Variants in SNCG observed in about 807,000 individuals in gnomAD.
SNCG encodes the protein synuclein gamma, also known as gamma-synuclein.
SNCG carries 13 observed loss-of-function variants against 16.0 expected under a neutral mutation model. The ratio of observed to expected loss-of-function variants is 0.81; its 90% CI spans 0.53 to 1.29. SNCG has a LOEUF of 1.29. Among genes scored for constraint, SNCG ranks in the 50% most tolerant of loss-of-function variants. The probability of loss-of-function intolerance (pLI) is 0.00; values close to 1 mark genes in which losing one functional copy is unlikely to be tolerated. For missense variants in SNCG, 154 were observed against 168.5 expected, an observed-to-expected ratio of 0.91 and a Z score of 0.48; for synonymous variants, 66 against 66.3, an observed-to-expected ratio of 1.00 and a Z score of 0.02.
intron 3 of SNCG, among the ~76,000 whole-genome samples, chr10:86,961,989 G>C (rs1197815220): frequency 1.3e-5 from 2 of 152,252 alleles, no homozygotes; most frequent in African/African-American, 4.8e-5. Context: ...TGGAGTGCAG[G>C]AGATAGAAGA....
chr10:86,962,474 C>G, intron 3 of SNCG, 130 bp from the exon 4 acceptor site: 1 of 625,568 alleles, frequency 1.6e-6, no homozygotes, highest in East Asian at 2.8e-5. Flanking sequence ...TCCAGCCCCT[C>G]CAAGTACAAC....
upstream of SNCG, among the ~76,000 whole-genome samples, chr10:86,956,545 T>C (rs1481162322): frequency 6.6e-6 from 1 of 152,204 alleles, no homozygotes; most frequent in Non-Finnish European, 1.5e-5. Flanking sequence ...TGGCTCCAAG[T>C]GCTGCAGAGA....
rs760113 is a variant in SNCG, at chr10:86,960,032, C to T, written c.195C>T (p.Ala65=). 9 of 1,609,018 alleles carry T rather than the reference C, an allele frequency of 5.6e-6. No individual in the cohort carries two copies. In the Admixed American group the frequency reaches 6.7e-5, roughly 12 times the overall value. ...VAEKTKEQAN[A]VSEAVVSSVN... is the part of the protein sequence containing the mutation. ...AGAAGACCAAGGAGCAGGCCAACGC[C>T]GTGAGCGAGGCTGTGGTGAGCAGCG... Residue 65 remains alanine (A), a synonymous_variant, in exon 3 of 5, where the codon GCC becomes GCT. Coordinates refer to ENST00000372017, the MANE Select transcript of SNCG (RefSeq NM_003087.3).
chr10:86,959,512 C>T lies in SNCG; in HGVS notation c.122-121C>T, dbSNP rs1844301122. On this transcript the variant is annotated intron_variant, in intron 1 of 4. Coordinates refer to ENST00000372017, the MANE Select transcript of SNCG (RefSeq NM_003087.3). The surrounding 1 kb of genome is among the most constrained non-coding windows in gnomAD (Gnocchi z 4.3). ...GCCCTCTGAAGGGGCCGCCGGCCCC[C>T]AGACACCATCCTTACCCCCCCACCG... is the stretch of plus-strand genomic sequence containing the variant. 2 of 824,364 alleles carry T rather than the reference C, an allele frequency of 2.4e-6. No individual in the cohort carries two copies. The highest frequency in any genetic ancestry group is 4.1e-6 in the Non-Finnish European group (2 of 490,888). The allele number at this position is 824,364 out of a possible 1,614,324, so 51.1% of individuals were successfully genotyped here.
At chr10:86,957,088 TC>T (rs1017106059), upstream of SNCG, among the ~76,000 whole-genome samples, 9 of 152,182 alleles carry the variant, frequency 5.9e-5, no homozygotes, top group African/African-American at 1.7e-4. Context: ...TCAGCCACAG[TC>T]CCCCAGTGCC....
In SNCG at chr10:86,959,526, AC is replaced by A. The variant is rs1313888639; in HGVS notation, c.122-100del. 13 of 858,932 alleles carry A rather than the reference AC, an allele frequency of 1.5e-5. No individual in the cohort carries two copies. The highest frequency in any genetic ancestry group is 3.5e-5 in the African/African-American group (2 of 56,586). 53.2% of individuals were successfully genotyped at this position (858,932 alleles called of 1,614,324 possible). A position where few individuals can be genotyped will look rare whatever the true frequency, so the allele number is the denominator to read the frequency against. On this transcript the variant is annotated intron_variant, in intron 1 of 4. Transcript: ENST00000372017. The surrounding 1 kb of genome is among the most constrained non-coding windows in gnomAD (Gnocchi z 4.3). ...CCGCCGGCCCCCAGACACCATCCTTACCCCCCCACCGACCCCACAGTTTGTC... is the reference window on the plus strand; with the variant it reads ...CCGCCGGCCCCCAGACACCATCCTTACCCCCCACCGACCCCACAGTTTGTC...
chr10:86,959,831 C>G lies in SNCG; in HGVS notation c.163+157C>G. On this transcript the variant is annotated intron_variant, in intron 2 of 4. Coordinates refer to ENST00000372017, the MANE Select transcript of SNCG (RefSeq NM_003087.3). The surrounding 1 kb of genome is among the most constrained non-coding windows in gnomAD (Gnocchi z 4.3). ...GACCATGAGGCTAAACTAGGGTGGG[C>G]GTCTCCTTACCCCCACCAGCATCAG... 1 of 1,256,010 alleles carries G rather than the reference C, an allele frequency of 8.0e-7. No homozygotes were observed. Among genetic ancestry groups the G allele is most frequent in the South Asian group, 1.5e-5 (1 of 66,852 alleles). 77.8% of individuals were successfully genotyped at this position (1,256,010 alleles called of 1,614,324 possible).
At chr10:86,960,524 C>G (rs2133695941) in intron 3 of SNCG, among the ~76,000 whole-genome samples, 1 of 152,296 alleles carries the variant, frequency 6.6e-6, no homozygotes, top group African/African-American at 2.4e-5. Flanking sequence ...AGCCCCGCCC[C>G]CAGGGCCTAG....
intron 4 of SNCG, 74 bp downstream of exon 4, chr10:86,962,749 T>C: frequency 7.5e-7 from 1 of 1,328,034 alleles, no homozygotes; most frequent in Non-Finnish European, 1.1e-6. Context: ...GACGCACTGC[T>C]TCCCTCCTGG....
Position 86,959,483 on chromosome 10 carries a change from A to G in SNCG, c.122-150A>G. On this transcript the variant is annotated intron_variant, in intron 1 of 4. Transcript: ENST00000372017. The surrounding 1 kb of genome is among the most constrained non-coding windows in gnomAD (Gnocchi z 4.3). ...TCCACTTCTTCCAGACACAGCAGGA[A>G]GAGGCCCTCTGAAGGGGCCGCCGGC... 1.5e-6 allele frequency: 1 copy of G among 674,334 alleles called. No homozygotes were observed. Among genetic ancestry groups the G allele is most frequent in the South Asian group, 1.7e-5 (1 of 59,804 alleles). 41.8% of individuals were successfully genotyped at this position (674,334 alleles called of 1,614,324 possible).
chr10:86,960,777 G>T (rs1351767140), intron 3 of SNCG, among the ~76,000 whole-genome samples: 2 of 152,204 alleles, frequency 1.3e-5, no homozygotes, highest in African/African-American at 4.8e-5. Flanking sequence ...GCAGTGGGGC[G>T]CACCCCAGGG....
chr10:86,962,750 T>A (rs1844378618), intron 4 of SNCG, 75 bp downstream of exon 4: 1 of 1,327,994 alleles, frequency 7.5e-7, no homozygotes, highest in Non-Finnish European at 1.1e-6. Context: ...ACGCACTGCT[T>A]CCCTCCTGGG....
chr10:86,958,079 C>CA (rs1844266772), upstream of SNCG: 1 of 985,186 alleles, frequency 1.0e-6, no homozygotes, highest in Admixed American at 6.1e-5. Context: ...TCCCCACCCC[C>CA]ACCCACCTCA....
At position 86,959,814 on chromosome 10, in the gene SNCG, G is replaced by A; in HGVS notation, c.163+140G>A. On this transcript the variant is annotated intron_variant, in intron 2 of 4. Coordinates refer to ENST00000372017, the MANE Select transcript of SNCG (RefSeq NM_003087.3). The surrounding 1 kb of genome is among the most constrained non-coding windows in gnomAD (Gnocchi z 4.3). ...CCCTACAGACCCCTGCAGACCATGA[G>A]GCTAAACTAGGGTGGGCGTCTCCTT... The A allele has an allele frequency of 8.0e-7, 1 of 1,248,696 alleles. No individual in the cohort carries two copies. Among genetic ancestry groups the A allele is most frequent in the South Asian group, 1.5e-5 (1 of 66,720 alleles). 77.4% of individuals were successfully genotyped at this position (1,248,696 alleles called of 1,614,324 possible).
In SNCG at chr10:86,960,116, G is replaced by C. The variant is rs111800178; in HGVS notation, c.279G>C (p.Gly93=). 6.2e-7 allele frequency: 1 copy of C among 1,612,282 alleles called. No individual in the cohort carries two copies. Among genetic ancestry groups the C allele is most frequent in the African/African-American group, 1.3e-5 (1 of 74,850 alleles). Residue 93 remains glycine, a synonymous_variant, in exon 3 of 5, where the codon GGG becomes GGC. Coordinates refer to ENST00000372017, the MANE Select transcript of SNCG (RefSeq NM_003087.3). ...CGGAGAACATCGCGGTCACCTCCGG[G>C]GTGGTGCGCAAGGTGAGCCCCGGCC... ...EEAENIAVTS[G]VVRKEDLRPS...
At chr10:86,962,746 T>C in intron 4 of SNCG, 71 bp downstream of exon 4, 2 of 1,350,194 alleles carry the variant, frequency 1.5e-6, no homozygotes, top group Non-Finnish European at 2.1e-6. Context: ...ACAGACGCAC[T>C]GCTTCCCTCC....
Position 86,960,059 on chromosome 10 carries a change from C to A in SNCG, c.222C>A (p.Val74=), listed in dbSNP as rs1481562451. 3 of 1,613,002 alleles carry A rather than the reference C, an allele frequency of 1.9e-6. No individual in the cohort carries two copies. The highest frequency in any genetic ancestry group is 2.2e-5 in the East Asian group (1 of 44,884). The part of the protein sequence containing the change: ...NAVSEAVVSS[V]NTVATKTVEE... ...TGAGCGAGGCTGTGGTGAGCAGCGTCAACACTGTGGCCACCAAGACCGTGG... is the reference window on the plus strand; with the variant it reads ...TGAGCGAGGCTGTGGTGAGCAGCGTAAACACTGTGGCCACCAAGACCGTGG... The change falls in exon 3 of 5, where the codon GTC becomes GTA. Residue 74 remains valine (V), a synonymous_variant. Coordinates refer to ENST00000372017, the MANE Select transcript of SNCG (RefSeq NM_003087.3).
rs1216483094 is a variant in SNCG at position 86,962,642 on chromosome 10, G to A, written c.330G>A (p.Glu110=). 1 of 1,612,900 alleles carries A rather than the reference G, an allele frequency of 6.2e-7. No homozygotes were observed. Among genetic ancestry groups the A allele is most frequent in the South Asian group, 1.1e-5 (1 of 90,780 alleles). Residue 110 remains glutamate, a synonymous_variant, in exon 4 of 5, where the codon GAG becomes GAA. Transcript: ENST00000372017. The part of the protein sequence containing the change: ...LRPSAPQQEG[E]ASKEKEEVAE... ...CATCTGCCCCCCAACAGGAGGGTGA[G>A]GCATCCAAAGAGAAAGAGGAAGTGG...
At chr10:86,958,311 G>A (rs1036573726), upstream of SNCG, 39 of 985,274 alleles carry the variant, frequency 4.0e-5, no homozygotes, top group African/African-American at 5.8e-4. Flanking sequence ...GGGGCCAAGA[G>A]CACCCAGCCA....
Sources: allele counts gnomAD v4.1 joint callset (sites outside exome capture counted in the v4.1 genomes callset), GRCh38; gene constraint gnomAD v4.1.1; non-coding constraint Gnocchi (gnomAD v3.1); transcripts MANE v1.5; gene names NCBI Gene and HGNC (gene_info 2026-07-23, HGNC 2026-07-21).